NR1H3: variants seen among roughly 807,000 people sequenced by gnomAD.
NR1H3 encodes oxysterols receptor LXR-alpha.
A neutral mutation model predicts 48.1 loss-of-function variants in NR1H3; 19 were observed. The observed-to-expected ratio is 0.40, with a 90% CI of 0.28 to 0.58. The LOEUF (loss-of-function observed/expected upper bound fraction) is 0.58, where lower values mean the gene tolerates loss of function less well. Ranked by LOEUF, NR1H3 falls within the 20% of genes least tolerant of loss-of-function variation. NR1H3 has a pLI of 0.50. For missense variants in NR1H3, 486 were observed against 595.9 expected (o/e 0.82, Z 1.92); for synonymous variants, 232 against 227.3 (o/e 1.02, Z -0.19).
Position 47,258,130 on chromosome 11 carries a change from G to T in NR1H3, c.-38+1G>T. On this transcript the variant is annotated splice_donor_variant, in intron 1 of 9. Coordinates refer to ENST00000441012, the MANE Select transcript of NR1H3 (RefSeq NM_005693.4). LOFTEE classifies it low-confidence loss of function (5UTR_SPLICE). Reference sequence around the variant, plus strand: ...GGAAGTCTGGTGGCCTGGGGATTTGGTGGGTCTGCTCCTTAGCAGTGGCCT... The same window carrying T: ...GGAAGTCTGGTGGCCTGGGGATTTGTTGGGTCTGCTCCTTAGCAGTGGCCT... 4.1e-6 allele frequency: 4 copies of T among 985,602 alleles called. No homozygotes were observed. Among genetic ancestry groups the T allele is most frequent in the Non-Finnish European group, 4.8e-6 (4 of 830,174 alleles). The allele number at this position is 985,602 out of a possible 1,614,324, so 61.1% of individuals were successfully genotyped here.
At chr11:47,259,380 C>T in intron 2 of NR1H3, 121 bp downstream of exon 2, 1 of 1,596,426 alleles carries the variant, frequency 6.3e-7, no homozygotes, top group Non-Finnish European at 8.6e-7. Flanking sequence ...CAGAGTCATT[C>T]TTAGTCGTGC....
intron 7 of NR1H3, among the ~76,000 whole-genome samples, chr11:47,264,460 G>A (rs762544700): frequency 2.0e-5 from 3 of 152,218 alleles, no homozygotes; most frequent in Non-Finnish European, 2.9e-5. Flanking sequence ...TGTGCTGCCT[G>A]GATGTATTGA....
upstream of NR1H3, among the ~76,000 whole-genome samples, chr11:47,253,504 A>G (rs915147116): frequency 7.9e-5 from 12 of 152,194 alleles, no homozygotes; most frequent in African/African-American, 2.9e-4. Flanking sequence ...TCACTTGAGT[A>G]GATACGCAGT....
In NR1H3 at chr11:47,262,023, G is replaced by T; in HGVS notation, c.988+5G>T. 6.2e-7 allele frequency: 1 copy of T among 1,601,570 alleles called. No homozygotes were observed. The highest frequency in any genetic ancestry group is 8.6e-7 in the Non-Finnish European group (1 of 1,168,882). ...GGGAAGACTTTGCCAAAGCAGGTGA[G>T]AACTGAGATCACACAGGGATTGGGG... On this transcript the variant is annotated splice_donor_5th_base_variant and intron_variant, in intron 7 of 9. Transcript: ENST00000441012.
chr11:47,260,760 A>T (rs1955755622), intron 4 of NR1H3, 85 bp downstream of exon 4: 1 of 1,459,290 alleles, frequency 6.9e-7, no homozygotes, highest in East Asian at 2.5e-5. Context: ...CTGAACTTGC[A>T]GGGGCTAACT....
At chr11:47,251,571 C>T (rs759124854) in intron 1 of NR1H3, among the ~76,000 whole-genome samples, 4 of 151,918 alleles carry the variant, frequency 2.6e-5, no homozygotes, top group Non-Finnish European at 4.4e-5. Flanking sequence ...GAGATTGTGC[C>T]ACTTCACTCC....
At chr11:47,259,102 G>C in intron 1 of NR1H3, 78 bp from the exon 2 acceptor site, 1 of 1,592,542 alleles carries the variant, frequency 6.3e-7, no homozygotes. Flanking sequence ...TGATAAAAGG[G>C]AGGATCAGGT....
Position 47,249,019 on chromosome 11 carries a change from C to T in NR1H3, c.-93+20C>T, listed in dbSNP as rs1161967111. ...AAGAAGGTAACGCGACCTGGCGCGG[C>T]AGACAGGGCTCGAAGACCTCATCTT... On this transcript the variant is annotated intron_variant, in intron 1 of 8. Transcript: ENST00000395397. The T allele has an allele frequency of 2.0e-5, 30 of 1,471,354 alleles. 1 individual carries two copies. The highest frequency in any genetic ancestry group is 2.3e-5 in the Non-Finnish European group (26 of 1,114,304). The allele number at this position is 1,471,354 out of a possible 1,614,324, so 91.1% of individuals were successfully genotyped here.
Position 47,261,228 on chromosome 11 carries a change from G to A in NR1H3, c.500-13G>A, listed in dbSNP as rs1955829456. 6.3e-7 allele frequency: 1 copy of A among 1,599,924 alleles called. No homozygotes were observed. The highest frequency in any genetic ancestry group is 8.5e-7 in the Non-Finnish European group (1 of 1,177,292). On this transcript the variant is annotated splice_polypyrimidine_tract_variant and intron_variant, in intron 4 of 9. Coordinates refer to ENST00000441012, the MANE Select transcript of NR1H3 (RefSeq NM_005693.4). ...CCATCTGCTCCCTTCCTCATATTTGGCCCTGTCCTTAGGTGTCCTGTCAGA... is the reference window on the plus strand; with the variant it reads ...CCATCTGCTCCCTTCCTCATATTTGACCCTGTCCTTAGGTGTCCTGTCAGA...
chr11:47,258,436 TTGGAGTGAGG>T lies in NR1H3; in HGVS notation c.-38+308_-38+317del, dbSNP rs1955442357. ...TGGGTGGAGTGAGCTGTCCTCAGTG[TTGGAGTGAGG>T]GGGAAGGGGCCCAAGAGAAGCAGGG... On this transcript the variant is annotated intron_variant, in intron 1 of 9. Coordinates refer to ENST00000441012, the MANE Select transcript of NR1H3 (RefSeq NM_005693.4). 4 of 154,396 alleles carry T rather than the reference TTGGAGTGAGG, an allele frequency of 2.6e-5. No individual in the cohort carries two copies. The Admixed American group carries it at 2.6e-4, about 10-fold the overall frequency. 9.6% of individuals were successfully genotyped at this position (154,396 alleles called of 1,614,324 possible).
At chr11:47,252,941 A>T in intron 1 of NR1H3, among the ~76,000 whole-genome samples, 1 of 144,998 alleles carries the variant, frequency 6.9e-6, no homozygotes, top group Non-Finnish European at 1.5e-5. Flanking sequence ...AAACTTTTGA[A>T]TCAGCTAAAC....
At chr11:47,267,755 C>T (rs1236720212) in intron 7 of NR1H3, among the ~76,000 whole-genome samples, 158 bp from the exon 8 acceptor site, 6 of 152,098 alleles carry the variant, frequency 3.9e-5, no homozygotes, top group Admixed American at 6.6e-5. Flanking sequence ...GTGATCCGCC[C>T]GCCTCAGCCT....
upstream of NR1H3, among the ~76,000 whole-genome samples, chr11:47,254,700 G>A (rs1203179302): frequency 1.3e-5 from 2 of 152,120 alleles, no homozygotes; most frequent in African/African-American, 4.8e-5. Flanking sequence ...GGCAGATTTT[G>A]CAACAGCACC....
chr11:47,256,082 T>A (rs1468207085), upstream of NR1H3, among the ~76,000 whole-genome samples: 1 of 152,148 alleles, frequency 6.6e-6, no homozygotes, highest in African/African-American at 2.4e-5. Flanking sequence ...AGTCTCAGTC[T>A]GTCACCCAGG....
upstream of NR1H3, chr11:47,248,734 C>G: frequency 6.2e-7 from 1 of 1,611,072 alleles, no homozygotes; most frequent in Non-Finnish European, 8.5e-7. Flanking sequence ...CAGGTTCACG[C>G]CGAGAAGGAG....
chr11:47,258,749 T>A (rs1955486520), intron 1 of NR1H3: 1 of 165,276 alleles, frequency 6.1e-6, no homozygotes, highest in Non-Finnish European at 1.3e-5. Context: ...CCCAGTAGTT[T>A]GAGGCGATAG....
intron 7 of NR1H3, among the ~76,000 whole-genome samples, chr11:47,265,699 C>T (rs1423123050): frequency 1.3e-5 from 2 of 152,052 alleles, no homozygotes; most frequent in Non-Finnish European, 2.9e-5. Flanking sequence ...TGGTGAAATC[C>T]TGTCTCTACT....
intron 1 of NR1H3, among the ~76,000 whole-genome samples, chr11:47,249,476 C>T (rs1156816793): frequency 6.6e-6 from 1 of 152,148 alleles, no homozygotes; most frequent in Non-Finnish European, 1.5e-5. Flanking sequence ...TCATGTCATG[C>T]CTCTTCCCAA....
rs1220284772 is a variant in NR1H3, at chr11:47,261,382, T to TCGAGAAGCTCGTCGCTGCCCAGCAA, written c.643_667dup (p.Gln223ArgfsTer11). 1 of 1,613,938 alleles carries TCGAGAAGCTCGTCGCTGCCCAGCAA rather than the reference T, an allele frequency of 6.2e-7. No individual in the cohort carries two copies. The highest frequency in any genetic ancestry group is 8.5e-7 in the Non-Finnish European group (1 of 1,179,996). On this transcript the variant is annotated frameshift_variant, in exon 5 of 10. Coordinates refer to ENST00000441012, the MANE Select transcript of NR1H3 (RefSeq NM_005693.4). LOFTEE classifies it high-confidence loss of function. ...CTCAGCCCGGAACAACTGGGCATGA[T>TCGAGAAGCTCGTCGCTGCCCAGCAA]CGAGAAGCTCGTCGCTGCCCAGCAA...
Sources: gnomAD v4.1 joint callset for allele counts (sites outside exome capture counted in the v4.1 genomes callset) on GRCh38, gnomAD v4.1.1 for gene constraint, MANE v1.5 for transcripts, NCBI Gene and HGNC (gene_info 2026-07-23, HGNC 2026-07-21) for gene names.